Variants in ZNF892 observed in about 807,000 individuals in gnomAD.
ZNF892 encodes the protein zinc finger protein 892, also known as zinc finger protein 570-like.
chr2:95,232,297 T>A, the ZNF892 span, among the ~76,000 whole-genome samples: 1 of 152,188 alleles, frequency 6.6e-6, no homozygotes, highest in South Asian at 2.1e-4. Flanking sequence ...TTGTTGAACA[T>A]ACATGATATC....
the ZNF892 span, among the ~76,000 whole-genome samples, chr2:95,233,993 T>C: frequency 0.034 from 5,174 of 152,300 alleles, 140 homozygotes; most frequent in Middle Eastern, 0.095. Flanking sequence ...TTCTTAATTT[T>C]GAGAATAGGT....
chr2:95,220,409 C>T, the ZNF892 span, among the ~76,000 whole-genome samples: 1 of 151,532 alleles, frequency 6.6e-6, no homozygotes, highest in Admixed American at 6.6e-5. Flanking sequence ...TCTCTAGAAC[C>T]CGATCTGGGA....
At chr2:95,235,657 G>A in the ZNF892 span, among the ~76,000 whole-genome samples, 2 of 152,152 alleles carry the variant, frequency 1.3e-5, no homozygotes, top group Admixed American at 6.5e-5. Flanking sequence ...CACCACGCCC[G>A]GCCCCAGTAA....
chr2:95,240,910 CACCTTG>C, the ZNF892 span, among the ~76,000 whole-genome samples: 3 of 152,222 alleles, frequency 2.0e-5, no homozygotes, highest in Non-Finnish European at 4.4e-5. Flanking sequence ...TTTTAAGCAG[CACCTTG>C]ATCCATTCCT....
the ZNF892 span, among the ~76,000 whole-genome samples, chr2:95,224,212 A>C: frequency 6.6e-6 from 1 of 152,174 alleles, no homozygotes; most frequent in Admixed American, 6.5e-5. Flanking sequence ...GGTAACTCCT[A>C]ACTCCTCTAT....
At chr2:95,221,094 A>G in the ZNF892 span, among the ~76,000 whole-genome samples, 4 of 152,210 alleles carry the variant, frequency 2.6e-5, no homozygotes, top group African/African-American at 9.6e-5. Flanking sequence ...GTTTCCTCAT[A>G]GATATATGTT....
the ZNF892 span, among the ~76,000 whole-genome samples, chr2:95,218,330 G>A: frequency 1.3e-5 from 2 of 152,310 alleles, no homozygotes; most frequent in South Asian, 4.1e-4. Flanking sequence ...GACCCAAGCT[G>A]CACCTTCAGT....
At chr2:95,232,748 G>C in the ZNF892 span, among the ~76,000 whole-genome samples, 6 of 27,474 alleles carry the variant, frequency 2.2e-4, no homozygotes, top group Non-Finnish European at 4.0e-4. Context: ...TCGTTACTTA[G>C]CACATGTTTG....
the ZNF892 span, among the ~76,000 whole-genome samples, chr2:95,244,591 T>C: frequency 2.6e-5 from 4 of 152,126 alleles, no homozygotes; most frequent in African/African-American, 4.8e-5. Context: ...ACAATAATAG[T>C]GCAAGACCTT....
At chr2:95,228,584 A>T in the ZNF892 span, among the ~76,000 whole-genome samples, 1 of 152,238 alleles carries the variant, frequency 6.6e-6, no homozygotes, top group Non-Finnish European at 1.5e-5. Context: ...ATCTATGAAT[A>T]TCTTGGCTCC....
the ZNF892 span, among the ~76,000 whole-genome samples, chr2:95,208,083 T>A: frequency 2.0e-5 from 3 of 152,290 alleles, no homozygotes; most frequent in East Asian, 5.8e-4. Context: ...TGATAATGAC[T>A]TCTTTTTTGA....
chr2:95,211,990 G>A, the ZNF892 span, among the ~76,000 whole-genome samples: 2 of 152,134 alleles, frequency 1.3e-5, no homozygotes, highest in African/African-American at 2.4e-5. Context: ...CAACTCTTAA[G>A]AGAATGGATG....
the ZNF892 span, among the ~76,000 whole-genome samples, chr2:95,212,745 A>G: frequency 6.6e-6 from 1 of 152,218 alleles, no homozygotes; most frequent in Admixed American, 6.5e-5. Flanking sequence ...TCCTTGGTTT[A>G]AAGCTGATCT....
the ZNF892 span, among the ~76,000 whole-genome samples, chr2:95,220,294 C>A: frequency 5.3e-5 from 8 of 151,058 alleles, no homozygotes; most frequent in African/African-American, 1.5e-4. Flanking sequence ...TTCTGTCTTG[C>A]TAGGCTGCTC....
the ZNF892 span, among the ~76,000 whole-genome samples, chr2:95,222,532 T>C: frequency 6.6e-6 from 1 of 152,208 alleles, no homozygotes; most frequent in Non-Finnish European, 1.5e-5. Flanking sequence ...AGTAGATGTG[T>C]AGTGGTATCT....
At chr2:95,241,096 T>C in the ZNF892 span, among the ~76,000 whole-genome samples, 1 of 152,156 alleles carries the variant, frequency 6.6e-6, no homozygotes, top group African/African-American at 2.4e-5. Context: ...GTCCAAACTG[T>C]CCAGACCTGG....
At chr2:95,215,300 T>C in the ZNF892 span, 1 of 471,150 alleles carries the variant, frequency 2.1e-6, no homozygotes, top group South Asian at 5.9e-5. Flanking sequence ...GCAATGATTG[T>C]GCCAAAGCCT....
the ZNF892 span, among the ~76,000 whole-genome samples, chr2:95,242,663 TG>T: frequency 6.6e-6 from 1 of 152,190 alleles, no homozygotes; most frequent in Non-Finnish European, 1.5e-5. Flanking sequence ...TAAATGTAAA[TG>T]GGCTAAATGC....
the ZNF892 span, chr2:95,207,680 G>A: frequency 7.6e-6 from 3 of 397,058 alleles, no homozygotes; most frequent in Non-Finnish European, 1.3e-5. Flanking sequence ...GAGGAGGGTG[G>A]CGGGAGGACC....
Sources: gnomAD v4.1 joint callset for allele counts (sites outside exome capture counted in the v4.1 genomes callset) on GRCh38, gnomAD v4.1.1 for gene constraint, MANE v1.5 for transcripts, NCBI Gene and HGNC (gene_info 2026-07-23, HGNC 2026-07-21) for gene names.